The following TSC22D3 variants were observed in gnomAD, a reference collection of about 807,000 sequenced individuals.
The protein encoded by TSC22D3 is TSC22 domain family member 3, also known as TSC22 domain family protein 3.
A neutral mutation model predicts 11.1 loss-of-function variants in TSC22D3; 4 were observed. The observed-to-expected ratio is 0.36, with a 90% CI of 0.18 to 0.83. The LOEUF is 0.83. Among genes scored for constraint, TSC22D3 ranks in the 40% least tolerant of loss-of-function variants. TSC22D3 has a pLI of 0.48. For synonymous variants in TSC22D3, 77 were observed against 70.3 expected (o/e 1.10, Z -0.48); for missense variants, 118 against 159.4 (o/e 0.74, Z 1.40).
At chrX:107,768,682 C>G (rs1929774274) in intron 1 of TSC22D3, among the ~76,000 whole-genome samples, 1 of 112,745 alleles carries the variant, frequency 8.9e-6, no homozygotes, top group African/African-American at 3.2e-5. Flanking sequence ...CCTCTCTCCT[C>G]CAAAGTTGGC....
chrX:107,726,244 A>T (rs775821832), intron 1 of TSC22D3, among the ~76,000 whole-genome samples: 5 of 112,202 alleles, frequency 4.5e-5, no homozygotes, highest in East Asian at 5.6e-4. Context: ...GTATGCATCC[A>T]GACTGTCTTT....
chrX:107,749,853 G>A (rs1928855528), intron 1 of TSC22D3, among the ~76,000 whole-genome samples: 3 of 111,820 alleles, frequency 2.7e-5, no homozygotes, highest in Admixed American at 9.5e-5. Flanking sequence ...CAGAAAAGGA[G>A]GGAGAGAATG....
intron 1 of TSC22D3, among the ~76,000 whole-genome samples, chrX:107,757,714 C>G (rs920950923): frequency 2.7e-5 from 3 of 110,154 alleles, no homozygotes; most frequent in Non-Finnish European, 5.7e-5. Context: ...CCCTTTCCCC[C>G]TTTCCCCTCC....
At position 107,714,345 on chromosome X, in the gene TSC22D3, G is replaced by A. The variant is rs1454725381; in HGVS notation, c.*174C>T. 2 of 445,474 alleles carry A rather than the reference G, an allele frequency of 4.5e-6. No individual in the cohort carries two copies. Among genetic ancestry groups the A allele is most frequent in the African/African-American group, 2.5e-5 (1 of 40,687 alleles). 36.7% of individuals were successfully genotyped at this position (445,474 alleles called of 1,213,427 possible). ...GCCTCCAGAGACCTGCTCTTGTCAG[G>A]GGTCTGTCGCTGGAGTGGACCCAGG... On this transcript the variant is annotated 3_prime_UTR_variant, in exon 3 of 3. Transcript: ENST00000372383.
In TSC22D3 at chrX:107,734,475, G is replaced by A. The variant is rs182787567; in HGVS notation, c.321-18525C>T. Among the ~76,000 whole-genome samples, 10 of 112,283 alleles carry A rather than the reference G, an allele frequency of 8.9e-5. No homozygotes were observed. In the East Asian group the frequency reaches 2.8e-3, roughly 32 times the overall value. On this transcript the variant is annotated intron_variant, in intron 1 of 2. Transcript: ENST00000372383. ...CCTTGCTAGATCTTGCCAGGGAACT[G>A]GTGACAGGGTGGCAACGCATGGTCT...
At chrX:107,726,259 CTTATT>C (rs369647588) in intron 1 of TSC22D3, among the ~76,000 whole-genome samples, 3 of 111,945 alleles carry the variant, frequency 2.7e-5, no homozygotes, top group African/African-American at 9.8e-5. Context: ...GTCTTTTGGC[CTTATT>C]TTATTTTATT....
At chrX:107,716,844 T>G (rs1927073300) in intron 1 of TSC22D3, 1 of 1,204,175 alleles carries the variant, frequency 8.3e-7, no homozygotes, top group Admixed American at 2.2e-5. Flanking sequence ...TGGCCGGGTT[T>G]CGTGCGGGGC....
chrX:107,735,010 C>T (rs1235146288), intron 1 of TSC22D3, among the ~76,000 whole-genome samples: 2 of 110,113 alleles, frequency 1.8e-5, no homozygotes, highest in Non-Finnish European at 3.8e-5. Context: ...CTCTAGGACC[C>T]ACACTCTTCC....
At chrX:107,716,174 C>T (rs1034356208) in intron 1 of TSC22D3, 1 of 691,964 alleles carries the variant, frequency 1.4e-6, no homozygotes, top group Non-Finnish European at 2.0e-6. Context: ...GCCGCCGCCC[C>T]GAGTTCCAAC....
At chrX:107,763,735 C>T (rs1198224932) in intron 1 of TSC22D3, among the ~76,000 whole-genome samples, 1 of 112,121 alleles carries the variant, frequency 8.9e-6, no homozygotes, top group East Asian at 2.8e-4. Flanking sequence ...TTTACAAAAA[C>T]AAATTTTCCT....
intron 1 of TSC22D3, among the ~76,000 whole-genome samples, chrX:107,752,799 G>A (rs1418262155): frequency 1.2e-4 from 13 of 111,810 alleles, no homozygotes; most frequent in Admixed American, 1.1e-3. Context: ...GAGCTGGTCC[G>A]GCAGCCTTGC....
chrX:107,758,001 G>A (rs1602409858), intron 1 of TSC22D3, among the ~76,000 whole-genome samples: 1 of 111,077 alleles, frequency 9.0e-6, no homozygotes, highest in South Asian at 3.8e-4. Flanking sequence ...ACTCCAGCCT[G>A]GGTGACAAAG....
chrX:107,751,737 TCTCAGTTCCCTCTA>T (rs1315588316), intron 1 of TSC22D3, among the ~76,000 whole-genome samples: 1 of 111,971 alleles, frequency 8.9e-6, no homozygotes. Context: ...GACAAGATTT[TCTCAGTTCCCTCTA>T]CTTAAGTCAA....
At chrX:107,729,217 C>T in intron 1 of TSC22D3, among the ~76,000 whole-genome samples, 1 of 111,763 alleles carries the variant, frequency 8.9e-6, no homozygotes, top group Non-Finnish European at 1.9e-5. Flanking sequence ...AAACATCCTC[C>T]CTGGGTGCAT....
chrX:107,737,982 A>G (rs1324183534), intron 1 of TSC22D3, among the ~76,000 whole-genome samples: 1 of 112,028 alleles, frequency 8.9e-6, no homozygotes, highest in African/African-American at 3.3e-5. Context: ...CCCTTTCCAT[A>G]TGAACTCCTA....
At chrX:107,739,828 G>A (rs763741535) in intron 1 of TSC22D3, among the ~76,000 whole-genome samples, 2 of 112,337 alleles carry the variant, frequency 1.8e-5, no homozygotes, top group Non-Finnish European at 3.8e-5. Context: ...TTACTGAAGT[G>A]TCTTCTTAGT....
At chrX:107,746,343 A>C (rs777452045) in intron 1 of TSC22D3, among the ~76,000 whole-genome samples, 21 of 111,829 alleles carry the variant, frequency 1.9e-4, no homozygotes, top group Admixed American at 5.7e-4. Context: ...CGGTTCTCCC[A>C]GGCAGGCCCA....
chrX:107,721,364 C>T (rs1927320224), intron 1 of TSC22D3, among the ~76,000 whole-genome samples: 1 of 111,910 alleles, frequency 8.9e-6, no homozygotes, highest in Admixed American at 9.5e-5. Flanking sequence ...ACGTCAGGTT[C>T]CCATGGGACA....
intron 1 of TSC22D3, 44 bp downstream of exon 1, chrX:107,775,056 G>C: frequency 8.4e-7 from 1 of 1,183,940 alleles, no homozygotes; most frequent in Non-Finnish European, 1.1e-6. Flanking sequence ...GCAGAGGCTG[G>C]TGGGAGCAAG....
Sources: gnomAD v4.1 joint callset for allele counts (sites outside exome capture counted in the v4.1 genomes callset) on GRCh38, gnomAD v4.1.1 for gene constraint, MANE v1.5 for transcripts, NCBI Gene and HGNC (gene_info 2026-07-23, HGNC 2026-07-21) for gene names.